Variants in PRKD1 observed in about 807,000 individuals in gnomAD.
PRKD1 encodes protein kinase D1.
A neutral mutation model predicts 95.9 loss-of-function variants in PRKD1; 63 were observed. The ratio of observed to expected loss-of-function variants is 0.66; its 90% confidence interval spans 0.54 to 0.81. The LOEUF (loss-of-function observed/expected upper bound fraction) is 0.81, where lower values mean the gene tolerates loss of function less well. Ranked by LOEUF, PRKD1 falls within the 30% of genes least tolerant of loss-of-function variation. The pLI, the probability that PRKD1 is intolerant of heterozygous loss-of-function variation, is 0.00. For synonymous variants in PRKD1, 425 were observed against 423.1 expected (o/e 1.00, Z -0.05); for missense variants, 1,048 against 1,165.3 (o/e 0.90, Z 1.47).
intron 13 of PRKD1, among the ~76,000 whole-genome samples, chr14:29,600,544 GTA>G (rs1893479139): frequency 6.6e-6 from 1 of 152,140 alleles, no homozygotes; most frequent in African/African-American, 2.4e-5. Flanking sequence ...AACCAAGTGA[GTA>G]TTGAAAATAC....
rs564441252 is a variant in PRKD1, at chr14:29,749,674, A to C, written c.265-24000T>G. On this transcript the variant is annotated intron_variant, in intron 1 of 17. Coordinates refer to ENST00000331968, the MANE Select transcript of PRKD1 (RefSeq NM_002742.3). ...CACATAAAGTTGTGGGTACAGCTTTACATCTGTAAAGTTATTAGTACAGGG... is the reference window on the plus strand; with the variant it reads ...CACATAAAGTTGTGGGTACAGCTTTCCATCTGTAAAGTTATTAGTACAGGG... Among the ~76,000 whole-genome samples the C allele has an allele frequency of 1.8e-3, 277 of 152,300 alleles. 2 individuals are homozygous for C. The highest frequency in any genetic ancestry group is 3.1e-3 in the Non-Finnish European group (214 of 68,026).
chr14:29,838,870 T>C (rs954188403), intron 1 of PRKD1, among the ~76,000 whole-genome samples: 3 of 152,176 alleles, frequency 2.0e-5, no homozygotes, highest in Non-Finnish European at 2.9e-5. Flanking sequence ...AAAGAGTCCC[T>C]ATCAGAGCAA....
At chr14:29,643,199 T>C (rs542468968) in intron 4 of PRKD1, among the ~76,000 whole-genome samples, 2 of 152,128 alleles carry the variant, frequency 1.3e-5, no homozygotes, top group Non-Finnish European at 2.9e-5. Context: ...GGTAGTGAGA[T>C]AGATGCATAT....
chr14:29,841,900 CT>C (rs982987452), intron 1 of PRKD1, among the ~76,000 whole-genome samples: 1 of 151,722 alleles, frequency 6.6e-6, no homozygotes, highest in Admixed American at 6.6e-5. Context: ...AAAAAATTTT[CT>C]TTTTTTATAT....
chr14:29,870,459 T>C (rs1893063857), intron 1 of PRKD1, among the ~76,000 whole-genome samples: 1 of 152,178 alleles, frequency 6.6e-6, no homozygotes, highest in African/African-American at 2.4e-5. Flanking sequence ...ACACTTTTCA[T>C]AAAGTGCTAA....
At chr14:29,821,699 C>A (rs986681377) in intron 1 of PRKD1, among the ~76,000 whole-genome samples, 8 of 152,168 alleles carry the variant, frequency 5.3e-5, no homozygotes, top group Non-Finnish European at 8.8e-5. Flanking sequence ...TGAACACATT[C>A]ACCCTCTTTT....
In PRKD1 at chr14:29,638,533, G is replaced by C. The variant is rs778680785; in HGVS notation, c.941C>G (p.Pro314Arg). The C allele has an allele frequency of 6.2e-7, 1 of 1,614,068 alleles. No homozygotes were observed. The highest frequency in any genetic ancestry group is 2.2e-5 in the East Asian group (1 of 44,884). Residue 314 changes from proline to arginine, a missense_variant, in exon 6 of 18, where the codon CCG becomes CGG. Physicochemically the swap from Pro to Arg is moderately radical, Grantham distance 103. This residue lies in a region of PRKD1 where 739 missense variants were observed against 861.9 expected (regional missense o/e 0.86). Transcript: ENST00000331968. ...CRFNCHKRCA[P>R]KVPNNCLGEV... is the part of the protein sequence containing the mutation. ...GCCAAGGCAGTTGTTTGGTACTTTCGGTGCACAACGTTTATGGCAGTTGAA... is the reference window on the plus strand; with the variant it reads ...GCCAAGGCAGTTGTTTGGTACTTTCCGTGCACAACGTTTATGGCAGTTGAA...
chr14:29,652,283 C>T (rs984660641), intron 4 of PRKD1, among the ~76,000 whole-genome samples: 6 of 152,160 alleles, frequency 3.9e-5, no homozygotes, highest in East Asian at 3.9e-4. Context: ...ACTAAAAATC[C>T]GATTGTTTTT....
rs370100856 is a variant in PRKD1, at chr14:29,831,926, T to G, written c.264+95323A>C. ...TTATGGTTGGGGGACCTGTCCATGT[T>G]AATACATGTATGTACATCCAGGTCA... On this transcript the variant is annotated intron_variant, in intron 1 of 17. Coordinates refer to ENST00000331968, the MANE Select transcript of PRKD1 (RefSeq NM_002742.3). 1.1e-4 allele frequency among the ~76,000 whole-genome samples: 16 copies of G among 152,310 alleles called. No individual in the cohort carries two copies. The East Asian group carries it at 1.5e-3, about 15-fold the overall frequency.
intron 16 of PRKD1, among the ~76,000 whole-genome samples, chr14:29,594,533 G>A (rs1445388122): frequency 6.6e-6 from 1 of 152,140 alleles, no homozygotes; most frequent in African/African-American, 2.4e-5. Context: ...TTACAGATGA[G>A]GAACTGAAGC....
chr14:29,641,586 T>C (rs1201951522), intron 4 of PRKD1, among the ~76,000 whole-genome samples: 1 of 152,208 alleles, frequency 6.6e-6, no homozygotes, highest in Non-Finnish European at 1.5e-5. Context: ...TCTATGTTTC[T>C]GGGAGTGTAT....
chr14:29,835,993 G>C (rs1190001797), intron 1 of PRKD1, among the ~76,000 whole-genome samples: 1 of 152,142 alleles, frequency 6.6e-6, no homozygotes, highest in Non-Finnish European at 1.5e-5. Context: ...AAATGTATAA[G>C]AAATATTATT....
At position 29,576,632 on chromosome 14, in the gene PRKD1, G is replaced by A. The variant is rs948960825; in HGVS notation, c.*606C>T. On this transcript the variant is annotated 3_prime_UTR_variant, in exon 18 of 18. Transcript: ENST00000331968. ...ACATTTCTAAGGCATTTAGGCTTAA[G>A]AGCACTAGGTCTTGCACAGCTAGGT... 2 of 156,964 alleles carry A rather than the reference G, an allele frequency of 1.3e-5. No homozygotes were observed. The highest frequency in any genetic ancestry group is 4.8e-5 in the African/African-American group (2 of 41,466). 9.7% of individuals were successfully genotyped at this position (156,964 alleles called of 1,614,324 possible). A position where few individuals can be genotyped will look rare whatever the true frequency, so the allele number is the denominator to read the frequency against.
rs1286703968 is a variant in PRKD1 at position 29,705,462 on chromosome 14, T to G, written c.403+20074A>C. ...ACAGAAAAGCCAGATTCTGTTTTTT[T>G]TTTTGTCTTTATTGAGATATAATTC... On this transcript the variant is annotated intron_variant, in intron 2 of 17. Coordinates refer to ENST00000331968, the MANE Select transcript of PRKD1 (RefSeq NM_002742.3). Among the ~76,000 whole-genome samples the G allele has an allele frequency of 2.6e-5, 4 of 152,102 alleles. No homozygotes were observed. The East Asian group carries it at 7.8e-4, about 29-fold the overall frequency.
chr14:29,902,899 C>T (rs542502584), intron 1 of PRKD1, among the ~76,000 whole-genome samples: 1 of 152,030 alleles, frequency 6.6e-6, no homozygotes, highest in African/African-American at 2.4e-5. Context: ...TTAGAATTTT[C>T]GAGAATTTGT....
At chr14:29,618,456 G>A (rs536373530) in intron 13 of PRKD1, among the ~76,000 whole-genome samples, 3 of 152,076 alleles carry the variant, frequency 2.0e-5, no homozygotes, top group South Asian at 4.2e-4. Context: ...GGGTTTCACC[G>A]TGTTGGCCAG....
intron 1 of PRKD1, among the ~76,000 whole-genome samples, chr14:29,868,394 C>T (rs1892984242): frequency 6.6e-6 from 1 of 152,152 alleles, no homozygotes; most frequent in South Asian, 2.1e-4. Flanking sequence ...TGAAATCAGT[C>T]TGAATTGTTT....
chr14:29,736,883 G>T (rs1478261411), intron 1 of PRKD1, among the ~76,000 whole-genome samples: 1 of 152,140 alleles, frequency 6.6e-6, no homozygotes, highest in African/African-American at 2.4e-5. Flanking sequence ...GCTGAAATGT[G>T]ACCTGGCCAA....
intron 2 of PRKD1, among the ~76,000 whole-genome samples, chr14:29,720,784 A>AAAAAT (rs1555338779): frequency 1.0e-3 from 151 of 151,538 alleles, no homozygotes; most frequent in Admixed American, 2.0e-3. Context: ...TGTCTCAAAA[A>AAAAAT]AAATAAATAA....
Sources: allele counts gnomAD v4.1 joint callset (sites outside exome capture counted in the v4.1 genomes callset), GRCh38; gene constraint gnomAD v4.1.1; regional missense constraint gnomAD v4.1.1; transcripts MANE v1.5; gene names NCBI Gene and HGNC (gene_info 2026-07-23, HGNC 2026-07-21).